The following PDCD10 variants were observed in gnomAD, a reference collection of about 807,000 sequenced individuals.
PDCD10 encodes programmed cell death protein 10.
Under a neutral mutation model 29.2 loss-of-function variants are expected in PDCD10, and 4 were observed. The ratio of observed to expected loss-of-function variants is 0.14; its 90% CI spans 0.07 to 0.31. The LOEUF is 0.31. Among genes scored for constraint, PDCD10 ranks in the 10% least tolerant of loss-of-function variants. The probability of loss-of-function intolerance (pLI) is 1.00; values close to 1 mark genes in which losing one functional copy is unlikely to be tolerated. For synonymous variants in PDCD10, 70 were observed against 82.2 expected (o/e 0.85, Z 0.80); for missense variants, 183 against 257.9 (o/e 0.71, Z 1.99).
chr3:167,691,426 A>G (rs946477200), intron 6 of PDCD10, among the ~76,000 whole-genome samples: 5 of 152,210 alleles, frequency 3.3e-5, no homozygotes, highest in African/African-American at 1.2e-4. Flanking sequence ...TTACTCCCTC[A>G]TAAAGAAAAC....
At chr3:167,687,514 A>G in intron 7 of PDCD10, 101 bp downstream of exon 7, 1 of 814,828 alleles carries the variant, frequency 1.2e-6, no homozygotes, top group Non-Finnish European at 2.1e-6. Context: ...TTAATGACAC[A>G]AAACTATTTC....
At chr3:167,712,384 T>C (rs1173308191) in intron 3 of PDCD10, among the ~76,000 whole-genome samples, 2 of 152,050 alleles carry the variant, frequency 1.3e-5, no homozygotes, top group Non-Finnish European at 2.9e-5. Flanking sequence ...TAATCAGTGA[T>C]AAGCTGACAT....
At chr3:167,730,566 T>C (rs1043461771) in intron 2 of PDCD10, 2 of 152,190 alleles carry the variant, frequency 1.3e-5, no homozygotes, top group Non-Finnish European at 2.9e-5. Flanking sequence ...ATAAAATGGA[T>C]AGTATTACCA....
At chr3:167,690,007 C>G (rs1180996638) in intron 6 of PDCD10, among the ~76,000 whole-genome samples, 1 of 151,966 alleles carries the variant, frequency 6.6e-6, no homozygotes, top group South Asian at 2.1e-4. Context: ...AGAGAAAATA[C>G]CAGGACAAAA....
At chr3:167,704,714 T>C (rs564952461) in intron 4 of PDCD10, 128 bp downstream of exon 4, 11 of 691,186 alleles carry the variant, frequency 1.6e-5, no homozygotes, top group East Asian at 2.7e-5. Context: ...TTATGGAATA[T>C]AGTAAAACAG....
chr3:167,696,924 AAG>A, intron 5 of PDCD10, 83 bp downstream of exon 5: 1 of 805,188 alleles, frequency 1.2e-6, no homozygotes, highest in Admixed American at 1.7e-5. Context: ...GTAGGGAAGG[AAG>A]ATCCTTTGGT....
chr3:167,695,024 C>G (rs927281718), intron 6 of PDCD10, among the ~76,000 whole-genome samples: 1 of 152,140 alleles, frequency 6.6e-6, no homozygotes, highest in African/African-American at 2.4e-5. Flanking sequence ...AATCCCCTAC[C>G]CTCTCACCCT....
chr3:167,731,092 TTTAA>T (rs1179944520), intron 2 of PDCD10: 2 of 152,134 alleles, frequency 1.3e-5, no homozygotes, highest in Non-Finnish European at 2.9e-5. Context: ...ACTCTAGCAA[TTTAA>T]TTAAACTTTT....
At chr3:167,685,234 GA>G (rs1450452434) in intron 8 of PDCD10, among the ~76,000 whole-genome samples, 2 of 151,932 alleles carry the variant, frequency 1.3e-5, no homozygotes, top group Non-Finnish European at 2.9e-5. Context: ...CCAACATGGT[GA>G]AACCTTGTCT....
intron 5 of PDCD10, 72 bp from the exon 6 acceptor site, chr3:167,695,794 A>C (rs893674936): frequency 1.3e-6 from 2 of 1,500,774 alleles, no homozygotes; most frequent in African/African-American, 2.8e-5. Flanking sequence ...AAGAATTTCC[A>C]ATGTTGGTCA....
chr3:167,687,995 A>G (rs1202625649), intron 6 of PDCD10, among the ~76,000 whole-genome samples: 1 of 152,212 alleles, frequency 6.6e-6, no homozygotes. Flanking sequence ...ACTCAAATTT[A>G]TAAAAAGATA....
At chr3:167,707,162 T>C (rs1185095720) in intron 3 of PDCD10, among the ~76,000 whole-genome samples, 1 of 152,208 alleles carries the variant, frequency 6.6e-6, no homozygotes, top group Non-Finnish European at 1.5e-5. Context: ...TTTATAAACA[T>C]GGGATTTGAA....
chr3:167,713,669 A>T (rs1334834414), intron 3 of PDCD10, among the ~76,000 whole-genome samples: 1 of 151,998 alleles, frequency 6.6e-6, no homozygotes, highest in Non-Finnish European at 1.5e-5. Context: ...TAAACCAACT[A>T]AGAAAAAAAG....
intron 8 of PDCD10, among the ~76,000 whole-genome samples, chr3:167,685,187 G>A (rs899870655): frequency 1.3e-5 from 2 of 151,922 alleles, no homozygotes; most frequent in East Asian, 1.9e-4. Flanking sequence ...CAAGGTGGGC[G>A]GATCATGAGG....
chr3:167,706,783 G>GCATA (rs1470300074), intron 3 of PDCD10, among the ~76,000 whole-genome samples: 34 of 152,200 alleles, frequency 2.2e-4, no homozygotes, highest in African/African-American at 8.2e-4. Flanking sequence ...ACAGTACCAG[G>GCATA]CATATATCCA....
intron 3 of PDCD10, among the ~76,000 whole-genome samples, chr3:167,715,303 A>G (rs1722898095): frequency 6.6e-6 from 1 of 152,028 alleles, no homozygotes; most frequent in African/African-American, 2.4e-5. Flanking sequence ...TCATCAAACT[A>G]TGAAACTACT....
At chr3:167,702,423 T>C (rs889489309) in intron 4 of PDCD10, among the ~76,000 whole-genome samples, 1 of 152,220 alleles carries the variant, frequency 6.6e-6, no homozygotes, top group African/African-American at 2.4e-5. Context: ...GTATGTAATA[T>C]ATAGGATACA....
At chr3:167,712,297 CTTGT>C (rs1285505700) in intron 3 of PDCD10, among the ~76,000 whole-genome samples, 108 of 151,970 alleles carry the variant, frequency 7.1e-4, no homozygotes, top group Non-Finnish European at 3.1e-4. Context: ...TTTCTTTTTG[CTTGT>C]TTATTTCAAA....
intron 5 of PDCD10, 111 bp downstream of exon 5, chr3:167,696,898 G>A (rs1290648339): frequency 4.0e-6 from 3 of 753,584 alleles, no homozygotes; most frequent in Non-Finnish European, 7.3e-6. Context: ...TAAGTGAAAG[G>A]GAGGGAGGGA....
Sources: gnomAD v4.1 joint callset for allele counts (sites outside exome capture counted in the v4.1 genomes callset) on GRCh38, gnomAD v4.1.1 for gene constraint, MANE v1.5 for transcripts, NCBI Gene and HGNC (gene_info 2026-07-23, HGNC 2026-07-21) for gene names.